Variants in ZNF804B observed in about 807,000 individuals in gnomAD.
ZNF804B encodes zinc finger 804B.
A neutral mutation model predicts 101.4 loss-of-function variants in ZNF804B; 80 were observed. The observed-to-expected ratio is 0.79, with a 90% CI of 0.66 to 0.95. The LOEUF is 0.95. ZNF804B is among the 40% of genes least tolerant of loss of function. The probability of loss-of-function intolerance (pLI) is 0.00; values close to 1 mark genes in which losing one functional copy is unlikely to be tolerated. For missense variants in ZNF804B, 1,673 were observed against 1,561.9 expected, an observed-to-expected ratio of 1.07 and a Z score of -1.20; for synonymous variants, 622 against 558.8, an observed-to-expected ratio of 1.11 and a Z score of -1.59.
chr7:89,138,622 G>C (rs957754071), intron 1 of ZNF804B, among the ~76,000 whole-genome samples: 1 of 152,062 alleles, frequency 6.6e-6, no homozygotes, highest in Non-Finnish European at 1.5e-5. Context: ...GGAGGGGCTA[G>C]AGATGAAATA....
intron 2 of ZNF804B, among the ~76,000 whole-genome samples, chr7:89,293,600 T>C (rs1049853690): frequency 1.3e-5 from 2 of 151,788 alleles, no homozygotes; most frequent in Non-Finnish European, 2.9e-5. Flanking sequence ...CTGGCTAATA[T>C]GGTGAAACCC....
At chr7:88,844,518 A>G (rs1791341040) in intron 1 of ZNF804B, among the ~76,000 whole-genome samples, 1 of 152,288 alleles carries the variant, frequency 6.6e-6, no homozygotes, top group East Asian at 1.9e-4. Flanking sequence ...AAGAAGTTAG[A>G]TTTAGCAGCT....
intron 2 of ZNF804B, among the ~76,000 whole-genome samples, chr7:89,271,793 C>T (rs1181211386): frequency 1.3e-5 from 2 of 152,080 alleles, no homozygotes; most frequent in African/African-American, 4.8e-5. Context: ...CTGGTTTAGT[C>T]TTGGGAGGCT....
intron 1 of ZNF804B, among the ~76,000 whole-genome samples, chr7:88,938,243 G>A (rs959626401): frequency 3.9e-5 from 6 of 152,128 alleles, no homozygotes; most frequent in African/African-American, 1.4e-4. Context: ...AGATTGTGCA[G>A]ACCAAAGTTC....
chr7:89,195,714 C>A (rs986806471), intron 1 of ZNF804B, among the ~76,000 whole-genome samples: 7 of 151,724 alleles, frequency 4.6e-5, no homozygotes, highest in African/African-American at 1.7e-4. Flanking sequence ...TCTTAGGATG[C>A]AAAATCAATG....
intron 1 of ZNF804B, among the ~76,000 whole-genome samples, chr7:89,155,399 A>G (rs1339289898): frequency 6.6e-6 from 1 of 152,122 alleles, no homozygotes; most frequent in Non-Finnish European, 1.5e-5. Context: ...CTTTCACCTA[A>G]AAACCCATGC....
At chr7:88,906,081 G>C (rs1472385929) in intron 1 of ZNF804B, among the ~76,000 whole-genome samples, 4 of 151,796 alleles carry the variant, frequency 2.6e-5, no homozygotes, top group Non-Finnish European at 5.9e-5. Flanking sequence ...GTTTGTAGTA[G>C]TCTGAAGATC....
intron 1 of ZNF804B, among the ~76,000 whole-genome samples, chr7:88,870,400 A>AAAAAAAAAAAAAAAAAAT: frequency 8.9e-6 from 1 of 112,734 alleles, no homozygotes; most frequent in African/African-American, 3.9e-5. Flanking sequence ...AAAAAAAAAA[A>AAAAAAAAAAAAAAAAAAT]AAAAAAAGGT....
chr7:88,904,144 G>A (rs1792432703), intron 1 of ZNF804B, among the ~76,000 whole-genome samples: 1 of 152,028 alleles, frequency 6.6e-6, no homozygotes, highest in African/African-American at 2.4e-5. Context: ...TAAAAGATAG[G>A]GCTCCAGTTT....
intron 1 of ZNF804B, among the ~76,000 whole-genome samples, chr7:89,202,432 A>G (rs748913410): frequency 6.6e-6 from 1 of 152,094 alleles, no homozygotes. Flanking sequence ...GGAGGTCTCT[A>G]TTGGGGATGA....
At chr7:89,328,709 T>C (rs1367774268) in intron 3 of ZNF804B, among the ~76,000 whole-genome samples, 1 of 151,848 alleles carries the variant, frequency 6.6e-6, no homozygotes, top group East Asian at 1.9e-4. Context: ...CTGTGATTAA[T>C]AAGGAGATGC....
At position 89,144,244 on chromosome 7, in the gene ZNF804B, T is replaced by C. The variant is rs140707025; in HGVS notation, c.109-73911T>C. 9.1e-3 allele frequency among the ~76,000 whole-genome samples: 1,378 copies of C among 152,142 alleles called. 22 individuals are homozygous for C. Among genetic ancestry groups the C allele is most frequent in the African/African-American group, 0.031 (1,286 of 41,562 alleles). On this transcript the variant is annotated intron_variant, in intron 1 of 3. Transcript: ENST00000333190. The stretch of plus-strand genomic sequence containing the variant: ...TATTTTCAATGGATCCTATAACATA[T>C]ATATGTCATTTCTATTTTGAGAAAA...
At chr7:89,137,249 T>G (rs996931975) in intron 1 of ZNF804B, among the ~76,000 whole-genome samples, 1 of 152,004 alleles carries the variant, frequency 6.6e-6, no homozygotes, top group African/African-American at 2.4e-5. Context: ...GGTGAAAGCT[T>G]TTTATTATGT....
intron 1 of ZNF804B, among the ~76,000 whole-genome samples, chr7:89,059,889 C>CA (rs1789352071): frequency 3.4e-5 from 2 of 57,978 alleles, no homozygotes; most frequent in Non-Finnish European, 6.5e-5. Context: ...TGTTGGAGAG[C>CA]ACCATCTAAT....
At chr7:88,840,988 C>G (rs1583969441) in intron 1 of ZNF804B, among the ~76,000 whole-genome samples, 1 of 152,164 alleles carries the variant, frequency 6.6e-6, no homozygotes, top group Non-Finnish European at 1.5e-5. Flanking sequence ...GATTATTATA[C>G]TGTCCTAGTT....
intron 1 of ZNF804B, among the ~76,000 whole-genome samples, chr7:88,867,261 A>G (rs1791740337): frequency 6.6e-6 from 1 of 152,236 alleles, no homozygotes; most frequent in Non-Finnish European, 1.5e-5. Flanking sequence ...CTCATGATAG[A>G]CAATAGGCTG....
intron 2 of ZNF804B, among the ~76,000 whole-genome samples, chr7:89,250,689 T>C (rs1789525476): frequency 6.6e-6 from 1 of 152,094 alleles, no homozygotes; most frequent in South Asian, 2.1e-4. Context: ...CAAAAATTTC[T>C]CAACAAAATA....
At chr7:89,032,929 T>C (rs1310049461) in intron 1 of ZNF804B, among the ~76,000 whole-genome samples, 3 of 152,078 alleles carry the variant, frequency 2.0e-5, no homozygotes, top group African/African-American at 7.2e-5. Flanking sequence ...TTACCTCAAA[T>C]AGTTATCATG....
At chr7:89,267,801 A>T (rs550978032) in intron 2 of ZNF804B, among the ~76,000 whole-genome samples, 1 of 152,296 alleles carries the variant, frequency 6.6e-6, no homozygotes, top group Non-Finnish European at 1.5e-5. Flanking sequence ...GTTTCTTAAC[A>T]TAGAAAGTAC....
Sources: gnomAD v4.1 joint callset for allele counts (sites outside exome capture counted in the v4.1 genomes callset) on GRCh38, gnomAD v4.1.1 for gene constraint, MANE v1.5 for transcripts, NCBI Gene and HGNC (gene_info 2026-07-23, HGNC 2026-07-21) for gene names.